The following ADAMTSL3 variants were observed in gnomAD, a reference collection of about 807,000 sequenced individuals.
ADAMTSL3 encodes the protein ADAMTS like 3.
In ADAMTSL3, 128 loss-of-function variants were observed where a neutral mutation model predicts 201.7. That is an observed-to-expected ratio of 0.63 (90% CI 0.55 to 0.73). The LOEUF is 0.73. Among genes scored for constraint, ADAMTSL3 ranks in the 30% least tolerant of loss-of-function variants. The pLI, the probability that ADAMTSL3 is intolerant of heterozygous loss-of-function variation, is 0.00. For synonymous variants in ADAMTSL3, 738 were observed against 748.4 expected (o/e 0.99, Z 0.23); for missense variants, 1,990 against 2,119.6 (o/e 0.94, Z 1.20).
intron 15 of ADAMTSL3, among the ~76,000 whole-genome samples, chr15:83,912,091 A>G (rs1320158276): frequency 6.6e-6 from 1 of 152,162 alleles, no homozygotes; most frequent in Non-Finnish European, 1.5e-5. Context: ...TAATATCTCA[A>G]GATACAAAGT....
intron 25 of ADAMTSL3, among the ~76,000 whole-genome samples, chr15:84,017,063 C>T (rs747933735): frequency 3.9e-5 from 6 of 152,118 alleles, no homozygotes; most frequent in Non-Finnish European, 7.4e-5. Context: ...ATGGGTAAAT[C>T]GCAGAAGGAC....
At chr15:84,024,245 G>C (rs1460180052) in intron 26 of ADAMTSL3, among the ~76,000 whole-genome samples, 1 of 152,182 alleles carries the variant, frequency 6.6e-6, no homozygotes, top group Non-Finnish European at 1.5e-5. Flanking sequence ...GACAGAATGA[G>C]ACTCCGTCTC....
chr15:83,695,916 G>GTTT (rs147344455), intron 2 of ADAMTSL3, among the ~76,000 whole-genome samples: 3 of 151,326 alleles, frequency 2.0e-5, no homozygotes, highest in Non-Finnish European at 2.9e-5. Flanking sequence ...GTACATCATG[G>GTTT]TTTTTTTTTG....
In ADAMTSL3 at chr15:83,991,269, T is replaced by A. The variant is rs1375200403; in HGVS notation, c.3973+55T>A. On this transcript the variant is annotated intron_variant, in intron 23 of 29. Transcript: ENST00000286744. Reference sequence around the variant, plus strand: ...TTTCAGTGGGAGGTAAGTGTGGCCATCCCAGTGTTGCCAGGAAACACCAGC... The same window carrying A: ...TTTCAGTGGGAGGTAAGTGTGGCCAACCCAGTGTTGCCAGGAAACACCAGC... 141 of 1,607,780 alleles carry A rather than the reference T, an allele frequency of 8.8e-5. 1 individual carries two copies. The highest frequency in any genetic ancestry group is 1.2e-4 in the Non-Finnish European group (138 of 1,175,636).
At chr15:83,943,227 C>G in intron 19 of ADAMTSL3, 145 bp downstream of exon 19, 1 of 933,106 alleles carries the variant, frequency 1.1e-6, no homozygotes, top group Non-Finnish European at 1.5e-6. Flanking sequence ...TGCTCACTCA[C>G]TCTCGGGTTT....
intron 19 of ADAMTSL3, among the ~76,000 whole-genome samples, chr15:83,965,417 A>G (rs571488736): frequency 1.5e-3 from 221 of 152,198 alleles, no homozygotes; most frequent in Non-Finnish European, 2.6e-3. Context: ...TAAACCAACA[A>G]AGATCAAAAA....
At chr15:83,677,774 A>T (rs1193280854) in intron 2 of ADAMTSL3, among the ~76,000 whole-genome samples, 1 of 151,858 alleles carries the variant, frequency 6.6e-6, no homozygotes, top group Non-Finnish European at 1.5e-5. Flanking sequence ...ATTTACATGA[A>T]AAGTAATTAT....
chr15:83,736,751 T>C (rs1459475150), intron 3 of ADAMTSL3, among the ~76,000 whole-genome samples: 1 of 152,160 alleles, frequency 6.6e-6, no homozygotes, highest in Non-Finnish European at 1.5e-5. Context: ...TAATTCATGC[T>C]CCAGGTAGCC....
intron 19 of ADAMTSL3, among the ~76,000 whole-genome samples, chr15:83,965,765 T>C (rs903505483): frequency 2.0e-5 from 3 of 152,168 alleles, no homozygotes; most frequent in Admixed American, 6.5e-5. Context: ...TATTCTGAAA[T>C]TGACCACATA....
chr15:83,711,924 T>G (rs2061938835), intron 3 of ADAMTSL3, among the ~76,000 whole-genome samples: 1 of 151,530 alleles, frequency 6.6e-6, no homozygotes, highest in Non-Finnish European at 1.5e-5. Context: ...GGTTAAGGGG[T>G]GGGTATAGGG....
intron 25 of ADAMTSL3, among the ~76,000 whole-genome samples, chr15:84,016,987 G>A (rs369422070): frequency 2.0e-5 from 3 of 152,170 alleles, no homozygotes; most frequent in African/African-American, 4.8e-5. Flanking sequence ...GCAGAGTTAA[G>A]AAAATCAGAA....
chr15:83,685,772 G>T (rs894433781), intron 2 of ADAMTSL3, among the ~76,000 whole-genome samples: 4 of 152,110 alleles, frequency 2.6e-5, no homozygotes, highest in Admixed American at 2.6e-4. Context: ...CTTGTGCAGG[G>T]TTGATGTGAG....
intron 2 of ADAMTSL3, among the ~76,000 whole-genome samples, chr15:83,697,956 C>G (rs2061709447): frequency 6.6e-6 from 1 of 152,030 alleles, no homozygotes; most frequent in Admixed American, 6.5e-5. Flanking sequence ...CTCATTAGAA[C>G]AAAAGATGCT....
intron 16 of ADAMTSL3, among the ~76,000 whole-genome samples, 158 bp downstream of exon 16, chr15:83,913,536 CT>C (rs147058841): frequency 6.2e-4 from 92 of 147,550 alleles, no homozygotes; most frequent in Middle Eastern, 7.1e-3. Flanking sequence ...CTTTTTCTTT[CT>C]TTTTTTTTTG....
At chr15:83,736,820 C>G (rs982815701) in intron 3 of ADAMTSL3, among the ~76,000 whole-genome samples, 4 of 152,160 alleles carry the variant, frequency 2.6e-5, no homozygotes, top group Non-Finnish European at 5.9e-5. Context: ...CCAACATATT[C>G]TTCCAGACCA....
intron 2 of ADAMTSL3, among the ~76,000 whole-genome samples, chr15:83,682,441 G>A (rs571981726): frequency 1.3e-5 from 2 of 152,242 alleles, no homozygotes; most frequent in South Asian, 2.1e-4. Context: ...TTTCTCTGTC[G>A]TATGTCACTC....
At chr15:83,811,624 G>A (rs1429308198) in intron 5 of ADAMTSL3, among the ~76,000 whole-genome samples, 1 of 152,184 alleles carries the variant, frequency 6.6e-6, no homozygotes, top group Admixed American at 6.5e-5. Flanking sequence ...GTTACCTGTG[G>A]TCTCTAATTT....
chr15:84,032,969 A>G (rs2068435674), intron 28 of ADAMTSL3, among the ~76,000 whole-genome samples: 2 of 152,212 alleles, frequency 1.3e-5, no homozygotes, highest in East Asian at 3.8e-4. Flanking sequence ...TCAACATGAT[A>G]TAGGTTTGCA....
chr15:84,025,394 A>G lies in ADAMTSL3; in HGVS notation c.4614A>G (p.Pro1538=), dbSNP rs756431724. 1.2e-6 allele frequency: 2 copies of G among 1,613,992 alleles called. No individual in the cohort carries two copies. Among genetic ancestry groups the G allele is most frequent in the Admixed American group, 1.7e-5 (1 of 60,000 alleles). The change falls in exon 27 of 30, where the codon CCA becomes CCG. Residue 1538 remains proline, a synonymous_variant. Coordinates refer to ENST00000286744, the MANE Select transcript of ADAMTSL3 (RefSeq NM_207517.3). The part of the protein sequence containing the change: ...APKDRPLGRK[P]CFGHPCVQWE... ...AAGACCGGCCTCTGGGAAGAAAACC[A>G]TGTTTTGGTCATCCATGTGTTCAGT...
Sources: allele counts gnomAD v4.1 joint callset (sites outside exome capture counted in the v4.1 genomes callset), GRCh38; gene constraint gnomAD v4.1.1; transcripts MANE v1.5; gene names NCBI Gene and HGNC (gene_info 2026-07-23, HGNC 2026-07-21).